The following CPED1 variants were observed in gnomAD, a reference collection of about 807,000 sequenced individuals.
The protein encoded by CPED1 is cadherin like and PC-esterase domain containing 1, also known as cadherin-like and PC-esterase domain-containing protein 1.
A neutral mutation model predicts 128.2 loss-of-function variants in CPED1; 114 were observed. The ratio of observed to expected loss-of-function variants is 0.89; its 90% CI spans 0.76 to 1.04. The LOEUF is 1.04. Among genes scored for constraint, CPED1 ranks in the 50% least tolerant of loss-of-function variants. The pLI, the probability that CPED1 is intolerant of heterozygous loss-of-function variation, is 0.00. For synonymous variants in CPED1, 462 were observed against 426.7 expected, an observed-to-expected ratio of 1.08 and a Z score of -1.02; for missense variants, 1,211 against 1,207.1, an observed-to-expected ratio of 1.00 and a Z score of -0.05.
chr7:121,242,246 A>ATAGTT (rs1445257539), intron 17 of CPED1, among the ~76,000 whole-genome samples: 7 of 152,168 alleles, frequency 4.6e-5, no homozygotes, highest in African/African-American at 1.7e-4. Context: ...GTTTAGCATT[A>ATAGTT]TAGTTAAGAG....
intron 22 of CPED1, among the ~76,000 whole-genome samples, chr7:121,278,414 C>A (rs1034875463): frequency 5.3e-5 from 8 of 152,062 alleles, no homozygotes; most frequent in Non-Finnish European, 1.0e-4. Flanking sequence ...TATCTCAGAG[C>A]CTCCAGTGTC....
At chr7:121,199,423 T>C (rs201751349) in intron 16 of CPED1, among the ~76,000 whole-genome samples, 1 of 151,850 alleles carries the variant, frequency 6.6e-6, no homozygotes, top group Non-Finnish European at 1.5e-5. Context: ...CTCACACCTA[T>C]AATCCCAGCA....
intron 7 of CPED1, among the ~76,000 whole-genome samples, chr7:121,117,204 G>A (rs1487738110): frequency 1.3e-5 from 2 of 150,384 alleles, no homozygotes; most frequent in Admixed American, 1.3e-4. Flanking sequence ...AAATTCAAAT[G>A]ATTCTCCCGC....
chr7:121,056,536 TCC>T (rs1439963704), intron 4 of CPED1, among the ~76,000 whole-genome samples: 1 of 152,156 alleles, frequency 6.6e-6, no homozygotes, highest in Non-Finnish European at 1.5e-5. Flanking sequence ...TCTCTCCACA[TCC>T]CCTTTTTATG....
chr7:121,246,368 A>T (rs1798535279), intron 18 of CPED1, among the ~76,000 whole-genome samples: 1 of 152,186 alleles, frequency 6.6e-6, no homozygotes. Flanking sequence ...AACATACAAT[A>T]GACTGGGTGG....
At position 121,249,869 on chromosome 7, in the gene CPED1, A is replaced by G. The variant is rs370880453; in HGVS notation, c.2310+5531A>G. On this transcript the variant is annotated intron_variant, in intron 18 of 22. Coordinates refer to ENST00000310396, the MANE Select transcript of CPED1 (RefSeq NM_024913.5). ...AGACTTAGACTCCCACACAATAATAATGGGAGAATTTAACACCCCACTGTC... is the reference window on the plus strand; with the variant it reads ...AGACTTAGACTCCCACACAATAATAGTGGGAGAATTTAACACCCCACTGTC... Among the ~76,000 whole-genome samples, 15 of 152,264 alleles carry G rather than the reference A, an allele frequency of 9.9e-5. No homozygotes were observed. In the East Asian group the frequency reaches 2.1e-3, roughly 22 times the overall value.
intron 16 of CPED1, among the ~76,000 whole-genome samples, chr7:121,165,305 T>C (rs1796499459): frequency 6.6e-6 from 1 of 152,160 alleles, no homozygotes; most frequent in African/African-American, 2.4e-5. Context: ...TTTGGTGTTG[T>C]TTGTAACTGT....
chr7:121,260,449 C>T (rs1055927081), intron 18 of CPED1, among the ~76,000 whole-genome samples: 2 of 151,752 alleles, frequency 1.3e-5, no homozygotes, highest in African/African-American at 4.8e-5. Context: ...TATCATTAGC[C>T]GTCTGACCAG....
intron 16 of CPED1, among the ~76,000 whole-genome samples, chr7:121,225,641 A>G (rs1477726778): frequency 1.3e-5 from 2 of 152,000 alleles, no homozygotes; most frequent in Non-Finnish European, 2.9e-5. Flanking sequence ...TGGTCTTTTC[A>G]CATAGTCCCA....
chr7:121,002,900 A>C (rs1193054209), intron 2 of CPED1, among the ~76,000 whole-genome samples: 1 of 152,180 alleles, frequency 6.6e-6, no homozygotes, highest in African/African-American at 2.4e-5. Flanking sequence ...AATCCTAAGC[A>C]CATTTCCAAA....
chr7:121,198,446 A>C (rs1371583535), intron 16 of CPED1, among the ~76,000 whole-genome samples: 1 of 152,138 alleles, frequency 6.6e-6, no homozygotes, highest in East Asian at 1.9e-4. Flanking sequence ...AGTTTTCCTC[A>C]GATGGCAAGT....
intron 16 of CPED1, 135 bp downstream of exon 16, chr7:121,142,276 G>A: frequency 2.6e-6 from 2 of 784,296 alleles, no homozygotes. Context: ...TCAAAAAAGT[G>A]AGAATCCCAG....
chr7:121,109,765 G>A (rs980038089), intron 7 of CPED1, among the ~76,000 whole-genome samples: 14 of 152,076 alleles, frequency 9.2e-5, no homozygotes, highest in Admixed American at 6.6e-4. Context: ...TCTACATGAA[G>A]AATATTTGTT....
At chr7:121,285,692 C>T (rs984000709) in intron 22 of CPED1, among the ~76,000 whole-genome samples, 1 of 152,204 alleles carries the variant, frequency 6.6e-6, no homozygotes, top group East Asian at 1.9e-4. Flanking sequence ...ACCACCTCAG[C>T]CTGGACTTTA....
rs758362713 is a variant in CPED1 at position 121,207,314 on chromosome 7, C to T, written c.2056-29400C>T. Among the ~76,000 whole-genome samples the T allele has an allele frequency of 1.6e-4, 24 of 151,928 alleles. No individual in the cohort carries two copies. The East Asian group carries it at 2.5e-3, about 16-fold the overall frequency. On this transcript the variant is annotated intron_variant, in intron 16 of 22. Transcript: ENST00000310396. Reference sequence around the variant, plus strand: ...AGTGAGAATTTTAAACTTTAATATGCTCTGCTAATTACTGTAAGCAATGTA... The same window carrying T: ...AGTGAGAATTTTAAACTTTAATATGTTCTGCTAATTACTGTAAGCAATGTA...
chr7:121,039,937 G>T (rs1181579642), intron 3 of CPED1, among the ~76,000 whole-genome samples: 2 of 151,818 alleles, frequency 1.3e-5, no homozygotes, highest in African/African-American at 4.8e-5. Flanking sequence ...AAAAATTTAG[G>T]GAGCTCAAAA....
intron 3 of CPED1, among the ~76,000 whole-genome samples, chr7:121,029,657 A>C (rs1792680659): frequency 6.6e-6 from 1 of 152,186 alleles, no homozygotes; most frequent in African/African-American, 2.4e-5. Context: ...ATAGCATATT[A>C]AGGTTAATCA....
Position 121,065,564 on chromosome 7 carries a change from T to C in CPED1, c.616+1251T>C, listed in dbSNP as rs1044626506. On this transcript the variant is annotated intron_variant, in intron 5 of 22. Coordinates refer to ENST00000310396, the MANE Select transcript of CPED1 (RefSeq NM_024913.5). ...GCTATTTACATTTCAGAATGCTTGA[T>C]CCAGAACATTAAGTTTCTTCAGCTT... 1.3e-5 allele frequency among the ~76,000 whole-genome samples: 2 copies of C among 152,140 alleles called. 1 individual carries two copies. The highest frequency in any genetic ancestry group is 1.3e-4 in the Admixed American group (2 of 15,258).
chr7:121,195,710 T>C (rs1226653562), intron 16 of CPED1, among the ~76,000 whole-genome samples: 1 of 152,182 alleles, frequency 6.6e-6, no homozygotes, highest in African/African-American at 2.4e-5. Context: ...CAGACAGTTA[T>C]GCATTTTGAA....
Sources: gnomAD v4.1 joint callset for allele counts (sites outside exome capture counted in the v4.1 genomes callset) on GRCh38, gnomAD v4.1.1 for gene constraint, MANE v1.5 for transcripts, NCBI Gene and HGNC (gene_info 2026-07-23, HGNC 2026-07-21) for gene names.